C1orf185: variants seen among roughly 807,000 people sequenced by gnomAD.
C1orf185 encodes the protein uncharacterized protein C1orf185.
In C1orf185, 13 loss-of-function variants were observed where a neutral mutation model predicts 16.1. That is an observed-to-expected ratio of 0.81 (90% CI 0.53 to 1.28). The LOEUF (loss-of-function observed/expected upper bound fraction) is 1.28, where lower values mean the gene tolerates loss of function less well. Among genes scored for constraint, C1orf185 ranks in the 50% most tolerant of loss-of-function variants. The pLI, the probability that C1orf185 is intolerant of heterozygous loss-of-function variation, is 0.00. For synonymous variants in C1orf185, 80 were observed against 76.9 expected, an observed-to-expected ratio of 1.04 and a Z score of -0.21; for missense variants, 220 against 225.2, an observed-to-expected ratio of 0.98 and a Z score of 0.15.
chr1:51,118,785 GGA>G lies in C1orf185; in HGVS notation c.245_246del (p.Arg82IlefsTer19), dbSNP rs1223672778. The G allele has an allele frequency of 1.9e-5, 27 of 1,454,532 alleles. No homozygotes were observed. Among genetic ancestry groups the G allele is most frequent in the Non-Finnish European group, 2.4e-5 (26 of 1,092,696 alleles). 90.1% of individuals were successfully genotyped at this position (1,454,532 alleles called of 1,614,324 possible). ...TTTATTTCTCGAAATTTTCATACTG[GGA>G]GATTCCAATTACAGGTAGGGTGTAA... On this transcript the variant is annotated frameshift_variant, in exon 3 of 5. Coordinates refer to ENST00000371759, the MANE Select transcript of C1orf185 (RefSeq NM_001136508.2). LOFTEE classifies it high-confidence loss of function.
chr1:51,111,766 C>T (rs1253884584), intron 1 of C1orf185, among the ~76,000 whole-genome samples: 2 of 152,156 alleles, frequency 1.3e-5, no homozygotes, highest in Non-Finnish European at 2.9e-5. Flanking sequence ...GTGCTCTGCC[C>T]GTCTCAGCCT....
intron 2 of C1orf185, among the ~76,000 whole-genome samples, chr1:51,112,939 C>T (rs1646132002): frequency 6.6e-6 from 1 of 151,892 alleles, no homozygotes; most frequent in African/African-American, 2.4e-5. Flanking sequence ...CCTGACTCAG[C>T]CTCCTGGGTA....
At chr1:51,140,745 G>A (rs1646358800) in intron 3 of C1orf185, among the ~76,000 whole-genome samples, 1 of 152,100 alleles carries the variant, frequency 6.6e-6, no homozygotes. Flanking sequence ...CATCTAAGTT[G>A]TCTAATTTAT....
At chr1:51,112,618 C>A in intron 2 of C1orf185, 49 bp downstream of exon 2, 2 of 1,412,100 alleles carry the variant, frequency 1.4e-6, no homozygotes, top group Non-Finnish European at 1.9e-6. Flanking sequence ...TTTAAAAATT[C>A]AATAAAGGAC....
rs183239185 is a variant in C1orf185, at chr1:51,127,487, T to C, written c.258+8686T>C. On this transcript the variant is annotated intron_variant, in intron 3 of 4. Coordinates refer to ENST00000371759, the MANE Select transcript of C1orf185 (RefSeq NM_001136508.2). ...TTTTTAGTAGGACAGGGTTTCACCA[T>C]GTTGGCCAGGCTAGTCTCGAGCTCC... Among the ~76,000 whole-genome samples, 30 of 152,254 alleles carry C rather than the reference T, an allele frequency of 2.0e-4. No homozygotes were observed. The Middle Eastern group carries it at 0.01, about 52-fold the overall frequency.
chr1:51,127,655 T>G (rs1646251678), intron 3 of C1orf185, among the ~76,000 whole-genome samples: 1 of 152,076 alleles, frequency 6.6e-6, no homozygotes, highest in Non-Finnish European at 1.5e-5. Flanking sequence ...ATTATATCTT[T>G]TATGTCTGAT....
At chr1:51,106,657 AT>A (rs1298182367) in intron 1 of C1orf185, among the ~76,000 whole-genome samples, 3 of 152,056 alleles carry the variant, frequency 2.0e-5, no homozygotes, top group Non-Finnish European at 2.9e-5. Context: ...TCCAATACAT[AT>A]TGGAGAAAAG....
Position 51,142,365 on chromosome 1 carries a change from G to A in C1orf185, c.259-3359G>A, listed in dbSNP as rs12093488. 3.0e-3 allele frequency among the ~76,000 whole-genome samples: 452 copies of A among 152,266 alleles called. 3 individuals carry two copies. The highest frequency in any genetic ancestry group is 9.7e-3 in the African/African-American group (405 of 41,546). On this transcript the variant is annotated intron_variant, in intron 3 of 4. Transcript: ENST00000371759. ...ACGACAGTTATTTTATACATAATAG[G>A]TGGCTCCTCAATTTGGCTTTTCCTC...
At chr1:51,107,782 T>C (rs775142366) in intron 1 of C1orf185, among the ~76,000 whole-genome samples, 11 of 152,248 alleles carry the variant, frequency 7.2e-5, no homozygotes, top group Non-Finnish European at 1.3e-4. Flanking sequence ...TGCTCAGCAT[T>C]ACGTTTATAA....
intron 3 of C1orf185, among the ~76,000 whole-genome samples, chr1:51,130,859 G>A (rs1002984113): frequency 1.3e-5 from 2 of 152,046 alleles, no homozygotes. Context: ...GACTATCATA[G>A]TTTTACATCT....
Position 51,147,770 on chromosome 1 carries a change from G to T in C1orf185, c.599G>T (p.Ter200LeuextTer5). Reference protein sequence around the residue: ...GTESVLNDTL* With the variant: ...GTESVLNDTLL ...GAAAGTGTACTGAATGACACTTTAT[G>T]ACCATCAAAAAGATGACTACATTAA... is the stretch of plus-strand genomic sequence containing the variant. The change falls in exon 5 of 5, where the codon TGA (stop) becomes TTA (leucine). Residue 200 changes from the stop codon to leucine (L), a stop_lost. Transcript: ENST00000371759. The T allele has an allele frequency of 1.3e-6, 2 of 1,511,550 alleles. No homozygotes were observed. The highest frequency in any genetic ancestry group is 2.6e-5 in the South Asian group (2 of 78,150). 93.6% of individuals were successfully genotyped at this position (1,511,550 alleles called of 1,614,324 possible).
chr1:51,104,365 G>T (rs188059093), intron 1 of C1orf185, among the ~76,000 whole-genome samples: 3 of 152,212 alleles, frequency 2.0e-5, no homozygotes, highest in African/African-American at 7.2e-5. Context: ...TAGTACTTCT[G>T]ATTTAATACA....
rs116527292 is a variant in C1orf185, at chr1:51,135,885, C to T, written c.259-9839C>T. 7.0e-3 allele frequency among the ~76,000 whole-genome samples: 1,071 copies of T among 152,302 alleles called. 7 individuals are homozygous for T. The highest frequency in any genetic ancestry group is 0.025 in the African/African-American group (1,059 of 41,562). On this transcript the variant is annotated intron_variant, in intron 3 of 4. Coordinates refer to ENST00000371759, the MANE Select transcript of C1orf185 (RefSeq NM_001136508.2). Reference sequence around the variant, plus strand: ...TCAAACTATCCCTGTGTGCAGATGACATGCTCCACTATCTAGAAAACCCCA... The same window carrying T: ...TCAAACTATCCCTGTGTGCAGATGATATGCTCCACTATCTAGAAAACCCCA...
At chr1:51,111,202 G>A (rs927659117) in intron 1 of C1orf185, among the ~76,000 whole-genome samples, 3 of 151,692 alleles carry the variant, frequency 2.0e-5, no homozygotes, top group Non-Finnish European at 2.9e-5. Flanking sequence ...AAACCCAGAG[G>A]TCTGGCTTTA....
chr1:51,147,897 G>T lies in C1orf185; in HGVS notation c.*126G>T. The T allele has an allele frequency of 1.1e-6, 1 of 872,154 alleles. No individual in the cohort carries two copies. The highest frequency in any genetic ancestry group is 1.7e-6 in the Non-Finnish European group (1 of 599,362). The allele number at this position is 872,154 out of a possible 1,614,324, so 54.0% of individuals were successfully genotyped here. On this transcript the variant is annotated 3_prime_UTR_variant, in exon 5 of 5. Transcript: ENST00000371759. ...GAAACCTTGTATACAATCAGCTTCTGAGTCTCTTAACATGTCCATGCTAAT... is the reference window on the plus strand; with the variant it reads ...GAAACCTTGTATACAATCAGCTTCTTAGTCTCTTAACATGTCCATGCTAAT...
In C1orf185 at chr1:51,147,922, T is replaced by C. The variant is rs559271945; in HGVS notation, c.*151T>C. 5 of 696,304 alleles carry C rather than the reference T, an allele frequency of 7.2e-6. No homozygotes were observed. Among genetic ancestry groups the C allele is most frequent in the Non-Finnish European group, 1.1e-5 (5 of 451,824 alleles). The allele number at this position is 696,304 out of a possible 1,614,324, so 43.1% of individuals were successfully genotyped here. ...GAGTCTCTTAACATGTCCATGCTAA[T>C]ATTGCTTTTTTTGTTCTTTACCATA... On this transcript the variant is annotated 3_prime_UTR_variant, in exon 5 of 5. Transcript: ENST00000371759.
intron 3 of C1orf185, among the ~76,000 whole-genome samples, chr1:51,124,603 G>A (rs1424364815): frequency 6.6e-6 from 1 of 152,156 alleles, no homozygotes; most frequent in Non-Finnish European, 1.5e-5. Flanking sequence ...ATTATACTCA[G>A]TAAACCCACA....
chr1:51,113,998 A>G (rs1159515197), intron 2 of C1orf185, among the ~76,000 whole-genome samples: 1 of 152,226 alleles, frequency 6.6e-6, no homozygotes, highest in Non-Finnish European at 1.5e-5. Context: ...CAGATAAACT[A>G]GTCAGGATAT....
Position 51,145,778 on chromosome 1 carries a change from T to C in C1orf185, c.295+18T>C. ...TATAAAAGGTATTTTTTCTCAATAA[T>C]TTATTAGAAGAAATCTTAATGAACT... On this transcript the variant is annotated intron_variant, in intron 4 of 4. Coordinates refer to ENST00000371759, the MANE Select transcript of C1orf185 (RefSeq NM_001136508.2). The C allele has an allele frequency of 8.0e-7, 1 of 1,257,342 alleles. No homozygotes were observed. The highest frequency in any genetic ancestry group is 1.1e-6 in the Non-Finnish European group (1 of 921,224). The allele number at this position is 1,257,342 out of a possible 1,614,324, so 77.9% of individuals were successfully genotyped here. A position where few individuals can be genotyped will look rare whatever the true frequency, so the allele number is the denominator to read the frequency against.
Sources: gnomAD v4.1 joint callset for allele counts (sites outside exome capture counted in the v4.1 genomes callset) on GRCh38, gnomAD v4.1.1 for gene constraint, MANE v1.5 for transcripts, NCBI Gene and HGNC (gene_info 2026-07-23, HGNC 2026-07-21) for gene names.